The following PTPRG variants were observed in gnomAD, a reference collection of about 807,000 sequenced individuals.
The protein encoded by PTPRG is protein tyrosine phosphatase receptor type G, also known as receptor-type tyrosine-protein phosphatase gamma.
In PTPRG, 102 loss-of-function variants were observed where a neutral mutation model predicts 165.3. The ratio of observed to expected loss-of-function variants is 0.62; its 90% CI spans 0.53 to 0.73. The LOEUF (loss-of-function observed/expected upper bound fraction) is 0.73. Among genes scored for constraint, PTPRG ranks in the 30% least tolerant of loss-of-function variants. The probability of loss-of-function intolerance (pLI) is 0.00; values close to 1 mark genes in which losing one functional copy is unlikely to be tolerated. For synonymous variants in PTPRG, 675 were observed against 669.5 expected (o/e 1.01, Z -0.13); for missense variants, 1,866 against 1,861.4 (o/e 1.00, Z -0.05).
At chr3:62,251,004 A>G (rs1454372688) in intron 15 of PTPRG, among the ~76,000 whole-genome samples, 2 of 152,228 alleles carry the variant, frequency 1.3e-5, no homozygotes, top group African/African-American at 4.8e-5. Context: ...GATTCTCTAC[A>G]TTAGTCATTT....
Position 62,190,095 on chromosome 3 carries a change from C to T in PTPRG, c.1034-1374C>T, listed in dbSNP as rs980116309. 3.3e-5 allele frequency among the ~76,000 whole-genome samples: 5 copies of T among 152,290 alleles called. No homozygotes were observed. Among genetic ancestry groups the T allele is most frequent in the Non-Finnish European group, 5.9e-5 (4 of 68,030 alleles). ...GTCCTGGCGTGCAGTGATGGCTCTG[C>T]GCATGGGATTCTTTGGTGAGCCTCC... is the stretch of plus-strand genomic sequence containing the variant. On this transcript the variant is annotated intron_variant, in intron 8 of 29. Transcript: ENST00000474889. The surrounding 1 kb of genome is among the most constrained non-coding windows in gnomAD (Gnocchi z 5.2).
At chr3:61,607,554 T>C (rs186573771) in intron 1 of PTPRG, among the ~76,000 whole-genome samples, 1 of 152,154 alleles carries the variant, frequency 6.6e-6, no homozygotes, top group African/African-American at 2.4e-5. Context: ...CTTTTAAACC[T>C]TACTTTTTTT....
intron 1 of PTPRG, among the ~76,000 whole-genome samples, chr3:61,584,324 C>T (rs1026612038): frequency 6.6e-6 from 1 of 152,158 alleles, no homozygotes; most frequent in African/African-American, 2.4e-5. Context: ...TGTGTCTGGG[C>T]ATGTATTTTG....
At chr3:62,027,032 C>A (rs533528279) in intron 4 of PTPRG, among the ~76,000 whole-genome samples, 1 of 152,210 alleles carries the variant, frequency 6.6e-6, no homozygotes, top group Admixed American at 6.5e-5. Flanking sequence ...GTTGTTACTA[C>A]TACTGAGTCA....
In PTPRG at chr3:62,231,291, G is replaced by A. The variant is rs1576161683; in HGVS notation, c.2355G>A (p.Glu785=). 1 of 1,597,700 alleles carries A rather than the reference G, an allele frequency of 6.3e-7. No homozygotes were observed. Among genetic ancestry groups the A allele is most frequent in the Admixed American group, 1.7e-5 (1 of 58,234 alleles). Residue 785 remains glutamate, a synonymous_variant, in exon 14 of 30, where the codon GAG becomes GAA. Transcript: ENST00000474889. ...TCCGTGAAGTGCCTTCTTCTGGGGA[G>A]AGAGGAGAGAAGGGGAGCAGGTGAG... is the stretch of plus-strand genomic sequence containing the variant. ...RRFREVPSSG[E]RGEKGSRKCF... is the part of the protein sequence containing the mutation.
intron 4 of PTPRG, among the ~76,000 whole-genome samples, chr3:62,021,364 A>G (rs2041685758): frequency 1.3e-5 from 2 of 152,240 alleles, no homozygotes; most frequent in South Asian, 2.1e-4. Context: ...GATGAAAGGT[A>G]GGAGAGATGT....
intron 2 of PTPRG, among the ~76,000 whole-genome samples, chr3:61,922,725 C>T (rs1292626348): frequency 1.3e-5 from 2 of 152,204 alleles, no homozygotes; most frequent in East Asian, 1.9e-4. Flanking sequence ...ACTGCAGCCT[C>T]GGCTTCCTGG....
At chr3:62,026,420 G>T (rs116096867) in intron 4 of PTPRG, among the ~76,000 whole-genome samples, 1,826 of 152,050 alleles carry the variant, frequency 0.012, 45 homozygotes, top group East Asian at 0.09. Flanking sequence ...GGCTACCATG[G>T]GCACCTCCCT....
intron 1 of PTPRG, chr3:61,742,507 A>T: frequency 6.3e-7 from 1 of 1,594,880 alleles, no homozygotes. Context: ...TAAGGCCCGG[A>T]CATTCTGCCA....
intron 2 of PTPRG, among the ~76,000 whole-genome samples, chr3:61,932,008 T>C (rs1266233367): frequency 6.6e-6 from 1 of 152,264 alleles, no homozygotes; most frequent in East Asian, 1.9e-4. Flanking sequence ...TCATCATTTG[T>C]ATTTTCATTT....
intron 15 of PTPRG, among the ~76,000 whole-genome samples, chr3:62,250,643 C>T (rs994527423): frequency 1.3e-5 from 2 of 152,172 alleles, no homozygotes; most frequent in African/African-American, 2.4e-5. Context: ...GATGCAAGTA[C>T]GGCCGATACA....
chr3:61,737,551 C>T (rs1392490756), intron 1 of PTPRG, among the ~76,000 whole-genome samples: 4 of 152,070 alleles, frequency 2.6e-5, no homozygotes, highest in South Asian at 2.1e-4. Flanking sequence ...GAATAGATGG[C>T]GATGGGCTAT....
chr3:61,699,187 A>G (rs141356723), intron 1 of PTPRG, among the ~76,000 whole-genome samples: 222 of 152,304 alleles, frequency 1.5e-3, no homozygotes, highest in African/African-American at 4.9e-3. Context: ...AAAATTAAAA[A>G]AAATTATTTT....
chr3:61,748,869 C>G lies in PTPRG; in HGVS notation c.86-9C>G, dbSNP rs1251197235. ...CCTTTGTCTCATTGTGGGTTTTCCT[C>G]TCTTCCAGCGTTGACAGAAGGCTAC... is the stretch of plus-strand genomic sequence containing the variant. On this transcript the variant is annotated splice_polypyrimidine_tract_variant and intron_variant, in intron 1 of 29. Transcript: ENST00000474889. The G allele has an allele frequency of 1.2e-6, 2 of 1,611,886 alleles. No homozygotes were observed. Among genetic ancestry groups the G allele is most frequent in the Admixed American group, 1.7e-5 (1 of 59,974 alleles).
At chr3:61,642,402 C>T (rs1406410205) in intron 1 of PTPRG, among the ~76,000 whole-genome samples, 4 of 152,254 alleles carry the variant, frequency 2.6e-5, no homozygotes, top group African/African-American at 7.2e-5. Context: ...GTGATAGATG[C>T]TTGATTCAGG....
At chr3:61,949,613 A>G (rs2039847901) in intron 2 of PTPRG, among the ~76,000 whole-genome samples, 1 of 152,240 alleles carries the variant, frequency 6.6e-6, no homozygotes. Flanking sequence ...AGAGGGGTTA[A>G]GCAACCAAGT....
At chr3:61,575,690 C>T (rs1700160919) in intron 1 of PTPRG, among the ~76,000 whole-genome samples, 1 of 151,446 alleles carries the variant, frequency 6.6e-6, no homozygotes, top group Non-Finnish European at 1.5e-5. Flanking sequence ...CCTCTGCCTC[C>T]CGGGTTCAAG....
chr3:62,186,572 T>G (rs1421887689), intron 8 of PTPRG, among the ~76,000 whole-genome samples: 1 of 144,770 alleles, frequency 6.9e-6, no homozygotes, highest in Non-Finnish European at 1.5e-5. Context: ...TTTTCCTTTT[T>G]TTTTTTTTTT....
At chr3:61,593,030 G>A (rs1352407332) in intron 1 of PTPRG, among the ~76,000 whole-genome samples, 1 of 152,146 alleles carries the variant, frequency 6.6e-6, no homozygotes, top group East Asian at 1.9e-4. Flanking sequence ...ATCATGCTCT[G>A]GTCAGCAGCA....
Sources: allele counts gnomAD v4.1 joint callset (sites outside exome capture counted in the v4.1 genomes callset), GRCh38; gene constraint gnomAD v4.1.1; non-coding constraint Gnocchi (gnomAD v3.1); transcripts MANE v1.5; gene names NCBI Gene and HGNC (gene_info 2026-07-23, HGNC 2026-07-21).